The following FBXL12 variants were observed in gnomAD, a reference collection of about 807,000 sequenced individuals.
FBXL12 encodes F-box and leucine rich repeat protein 12, also known as F-box/LRR-repeat protein 12.
FBXL12 carries 22 observed loss-of-function variants against 24.9 expected under a neutral mutation model. That is an observed-to-expected ratio of 0.88 (90% CI 0.63 to 1.26). The LOEUF (loss-of-function observed/expected upper bound fraction) is 1.26, where lower values mean the gene tolerates loss of function less well. Among genes scored for constraint, FBXL12 ranks in the 50% most tolerant of loss-of-function variants. FBXL12 has a pLI of 0.00. For synonymous variants in FBXL12, 193 were observed against 193.8 expected (o/e 1.00, Z 0.03); for missense variants, 384 against 434.1 (o/e 0.88, Z 1.03).
At position 9,811,198 on chromosome 19, in the gene FBXL12, G is replaced by C. The variant is rs150655260; in HGVS notation, c.679C>G (p.Leu227Val). The C allele has an allele frequency of 1.2e-5, 20 of 1,613,252 alleles. No homozygotes were observed. The highest frequency in any genetic ancestry group is 1.4e-5 in the Non-Finnish European group (17 of 1,179,564). The change falls in exon 3 of 3, where the codon CTC becomes GTC. Residue 227 changes from leucine to valine, a missense_variant. Physicochemically the swap from Leu to Val is conservative, Grantham distance 32 (BLOSUM62 1). Transcript: ENST00000247977. This position sits in a 1 kb window ranked among gnomAD's most constrained non-coding sequence, Gnocchi z 6.0. ...AGCCGGATCTTGCGCACATCTCGGA[G>C]GTGGCGGCTGATGGCCAGCAGGGTG... ...DSTLLAISRH[L>V]RDVRKIRLTV...
Position 9,818,590 on chromosome 19 carries a change from C to T in FBXL12, c.114G>A (p.Val38=), listed in dbSNP as rs758575293. 8 of 1,555,604 alleles carry T rather than the reference C, an allele frequency of 5.1e-6. No homozygotes were observed. Among genetic ancestry groups the T allele is most frequent in the Middle Eastern group, 1.7e-4 (1 of 5,980 alleles). ...CATGTCGCCACAGCCACCGGTCGTCCACCAGCCTCTTCCAGCGGTGACAGA... is the reference window on the plus strand; with the variant it reads ...CATGTCGCCACAGCCACCGGTCGTCTACCAGCCTCTTCCAGCGGTGACAGA... ...SRVCHRWKRL[V]DDRWLWRHVD... is the part of the protein sequence containing the mutation. Residue 38 remains valine, a synonymous_variant, in exon 2 of 3, where the codon GTG becomes GTA. Transcript: ENST00000247977.
Position 9,811,265 on chromosome 19 carries a change from C to A in FBXL12, c.612G>T (p.Leu204=). 6.2e-7 allele frequency: 1 copy of A among 1,611,494 alleles called. No individual in the cohort carries two copies. The highest frequency in any genetic ancestry group is 8.5e-7 in the Non-Finnish European group (1 of 1,179,988). The part of the protein sequence containing the change: ...LDAGLQELSY[L]QRLEVLGCTL... ...TGCAGCCCAGCACCTCAAGCCTCTG[C>A]AGATAGCTGAGCTCCTGCAGGCCAG... Residue 204 remains leucine (L), a synonymous_variant, in exon 3 of 3, where the codon CTG becomes CTT. Coordinates refer to ENST00000247977, the MANE Select transcript of FBXL12 (RefSeq NM_017703.3). The surrounding 1 kb of genome is among the most constrained non-coding windows in gnomAD (Gnocchi z 6.0).
chr19:9,813,054 A>G (rs1403168351), intron 2 of FBXL12, among the ~76,000 whole-genome samples: 3 of 152,172 alleles, frequency 2.0e-5, no homozygotes, highest in Non-Finnish European at 4.4e-5. Context: ...CTGGGCAACA[A>G]GAGCGAAACT....
chr19:9,813,837 C>T (rs954270329), intron 2 of FBXL12, among the ~76,000 whole-genome samples: 2 of 151,562 alleles, frequency 1.3e-5, no homozygotes, highest in Non-Finnish European at 2.9e-5. Context: ...CAGGGTTTCT[C>T]CATGTAGGTC....
At position 9,818,920 on chromosome 19, in the gene FBXL12, G is replaced by A. The variant is rs1256791713; in HGVS notation, c.-107C>T. 4 of 1,065,370 alleles carry A rather than the reference G, an allele frequency of 3.8e-6. No homozygotes were observed. The highest frequency in any genetic ancestry group is 1.4e-6 in the Non-Finnish European group (1 of 735,246). 66.0% of individuals were successfully genotyped at this position (1,065,370 alleles called of 1,614,324 possible). On this transcript the variant is annotated 5_prime_UTR_variant, in exon 1 of 3. Coordinates refer to ENST00000247977, the MANE Select transcript of FBXL12 (RefSeq NM_017703.3). Reference sequence around the variant, plus strand: ...GGCCGCGACCTTCCCGTAGCCGGTCGAGAAATTTGACCTTCCTCTCGCTGG... The same window carrying A: ...GGCCGCGACCTTCCCGTAGCCGGTCAAGAAATTTGACCTTCCTCTCGCTGG...
At chr19:9,815,535 C>A (rs1048885008) in intron 2 of FBXL12, among the ~76,000 whole-genome samples, 1 of 152,228 alleles carries the variant, frequency 6.6e-6, no homozygotes, top group Non-Finnish European at 1.5e-5. Flanking sequence ...CATTTCCCTT[C>A]CACACTGCCC....
rs1184787144 is a variant in FBXL12, at chr19:9,812,775, A to AC, written c.160-1059_160-1058insG. Among the ~76,000 whole-genome samples, 1,224 of 151,044 alleles carry AC rather than the reference A, an allele frequency of 8.1e-3. 12 individuals carry two copies. The highest frequency in any genetic ancestry group is 0.029 in the African/African-American group (1,185 of 41,190). ...GGTCTATGTTAAAAAAAAAAAAAAA[A>AC]AAACAACAAATGAAAAGGCTGGGCA... On this transcript the variant is annotated intron_variant, in intron 2 of 2. Coordinates refer to ENST00000247977, the MANE Select transcript of FBXL12 (RefSeq NM_017703.3).
In FBXL12 at chr19:9,811,493, G is replaced by A. The variant is rs2045751091; in HGVS notation, c.384C>T (p.Thr128=). Residue 128 remains threonine (T), a synonymous_variant, in exon 3 of 3, where the codon ACC becomes ACT. Transcript: ENST00000247977. The surrounding 1 kb of genome is among the most constrained non-coding windows in gnomAD (Gnocchi z 6.0). ...AGATCTCGCAGCTGTGCAGCTCCAG[G>A]GTCCTCAAGGTGCTGGGCAGGCTGG... The part of the protein sequence containing the change: ...PITSLPSTLR[T]LELHSCEISM... 1.2e-6 allele frequency: 2 copies of A among 1,613,714 alleles called. No homozygotes were observed. The highest frequency in any genetic ancestry group is 1.3e-5 in the African/African-American group (1 of 74,884).
intron 2 of FBXL12, among the ~76,000 whole-genome samples, chr19:9,816,418 A>AATTTG (rs1354424890): frequency 2.6e-5 from 4 of 152,212 alleles, no homozygotes; most frequent in Non-Finnish European, 5.9e-5. Context: ...ATGCTTTGCC[A>AATTTG]CTTAGAAATT....
chr19:9,813,369 G>C, intron 2 of FBXL12: 1 of 800,100 alleles, frequency 1.2e-6, no homozygotes, highest in Non-Finnish European at 1.7e-6. Context: ...ACGGAGTTTT[G>C]CTTGTTGCCC....
At position 9,811,475 on chromosome 19, in the gene FBXL12, G is replaced by A. The variant is rs35234213; in HGVS notation, c.402C>T (p.Cys134=). 1.3e-3 allele frequency: 2,168 copies of A among 1,613,948 alleles called. 25 individuals carry two copies. In the African/African-American group the frequency reaches 0.025, roughly 18 times the overall value. The change falls in exon 3 of 3, where the codon TGC becomes TGT. Residue 134 remains cysteine, a synonymous_variant. Transcript: ENST00000247977. This position sits in a 1 kb window ranked among gnomAD's most constrained non-coding sequence, Gnocchi z 6.0. ...TGTGGAGCCAGGCCATGGAGATCTC[G>A]CAGCTGTGCAGCTCCAGGGTCCTCA... is the stretch of plus-strand genomic sequence containing the variant. The part of the protein sequence containing the change: ...STLRTLELHS[C]EISMAWLHKQ...
In FBXL12 at chr19:9,819,011, G is replaced by A; in HGVS notation, c.-198C>T. ...GACCAGAAACCAGCCTGGAAAGCGT[G>A]GCTGAGGCAGTGAGAGGCTTGCGGG... On this transcript the variant is annotated 5_prime_UTR_variant, in exon 1 of 3. Coordinates refer to ENST00000247977, the MANE Select transcript of FBXL12 (RefSeq NM_017703.3). The A allele has an allele frequency of 3.3e-6, 2 of 606,862 alleles. No homozygotes were observed. The highest frequency in any genetic ancestry group is 5.9e-6 in the Non-Finnish European group (2 of 341,256). 37.6% of individuals were successfully genotyped at this position (606,862 alleles called of 1,614,324 possible).
chr19:9,814,773 CTT>C (rs2045844136), intron 2 of FBXL12: 1 of 151,846 alleles, frequency 6.6e-6, no homozygotes, highest in South Asian at 2.1e-4. Flanking sequence ...CATCAGATCT[CTT>C]GAGATTTATT....
rs1042430493 is a variant in FBXL12 at position 9,811,950 on chromosome 19, T to C, written c.160-233A>G. ...ACAAATCTTTTTTTTTTTTTTTTTT[T>C]CTGAGACAGGTTCTTGCTCTGTCAC... On this transcript the variant is annotated intron_variant, in intron 2 of 2. Transcript: ENST00000247977. This position sits in a 1 kb window ranked among gnomAD's most constrained non-coding sequence, Gnocchi z 6.0. 4.6e-5 allele frequency among the ~76,000 whole-genome samples: 7 copies of C among 151,150 alleles called. No individual in the cohort carries two copies. The highest frequency in any genetic ancestry group is 2.0e-4 in the Admixed American group (3 of 15,164).
chr19:9,813,891 G>A (rs912521289), intron 2 of FBXL12, among the ~76,000 whole-genome samples: 4 of 151,488 alleles, frequency 2.6e-5, no homozygotes, highest in African/African-American at 7.3e-5. Flanking sequence ...TGTCCACCTC[G>A]GCCTCCCAAA....
In FBXL12 at chr19:9,813,081, A is replaced by T. The variant is rs182288145; in HGVS notation, c.160-1364T>A. ...AGCGAAACTCCATGTCAAAAAAAAA[A>T]ATATATCAAAGCCTGGTAGAGTGGA... On this transcript the variant is annotated intron_variant, in intron 2 of 2. Coordinates refer to ENST00000247977, the MANE Select transcript of FBXL12 (RefSeq NM_017703.3). 520 of 431,386 alleles carry T rather than the reference A, an allele frequency of 1.2e-3. 3 individuals are homozygous for T. In the East Asian group the frequency reaches 0.013, roughly 11 times the overall value. The allele number at this position is 431,386 out of a possible 1,614,324, so 26.7% of individuals were successfully genotyped here. A position where few individuals can be genotyped will look rare whatever the true frequency, so the allele number is the denominator to read the frequency against.
intron 2 of FBXL12, among the ~76,000 whole-genome samples, chr19:9,814,861 A>G (rs948753754): frequency 5.3e-5 from 8 of 152,152 alleles, no homozygotes; most frequent in Non-Finnish European, 7.4e-5. Flanking sequence ...CTCACAACAC[A>G]TGGGAATTCT....
chr19:9,813,455 C>T, intron 2 of FBXL12: 1 of 323,868 alleles, frequency 3.1e-6, no homozygotes, highest in Non-Finnish European at 5.5e-6. Context: ...CGTGCCTTAG[C>T]CTCCTGAGTA....
chr19:9,817,209 T>C (rs926339301), intron 2 of FBXL12, among the ~76,000 whole-genome samples: 2 of 152,208 alleles, frequency 1.3e-5, no homozygotes, highest in Non-Finnish European at 2.9e-5. Context: ...GGCAGGAAGA[T>C]GGCTTGAGCC....
Sources: gnomAD v4.1 joint callset for allele counts (sites outside exome capture counted in the v4.1 genomes callset) on GRCh38, gnomAD v4.1.1 for gene constraint, Gnocchi (gnomAD v3.1) non-coding constraint, MANE v1.5 for transcripts, NCBI Gene and HGNC (gene_info 2026-07-23, HGNC 2026-07-21) for gene names.